Variants in HDAC8 observed in about 807,000 individuals in gnomAD.
HDAC8 encodes histone deacetylase 8.
In HDAC8, 1 loss-of-function variant was observed where a neutral mutation model predicts 32.2. That is an observed-to-expected ratio of 0.03 (90% CI 0.01 to 0.15). The LOEUF (loss-of-function observed/expected upper bound fraction) is 0.15, where lower values mean the gene tolerates loss of function less well. HDAC8 is among the 10% of genes least tolerant of loss of function. The pLI is 1.00. For synonymous variants in HDAC8, 108 were observed against 113.9 expected (o/e 0.95, Z 0.33); for missense variants, 117 against 300.0 (o/e 0.39, Z 4.51).
At chrX:72,373,458 G>A (rs2044949705) in intron 9 of HDAC8, among the ~76,000 whole-genome samples, 1 of 112,156 alleles carries the variant, frequency 8.9e-6, no homozygotes, top group Non-Finnish European at 1.9e-5. Flanking sequence ...TCATACAAAT[G>A]GAATAATAGA....
chrX:72,344,271 TA>T (rs1426255146), intron 10 of HDAC8, among the ~76,000 whole-genome samples: 4 of 111,337 alleles, frequency 3.6e-5, no homozygotes, highest in African/African-American at 9.8e-5. Context: ...AGAAACAGCA[TA>T]AAAAAATAAA....
intron 9 of HDAC8, among the ~76,000 whole-genome samples, chrX:72,409,709 A>G (rs1555969685): frequency 8.9e-6 from 1 of 112,322 alleles, no homozygotes; most frequent in African/African-American, 3.2e-5. Context: ...GTCTTTCTCA[A>G]TTCGCTCAAT....
intron 10 of HDAC8, among the ~76,000 whole-genome samples, chrX:72,341,094 G>T (rs781845315): frequency 2.7e-5 from 3 of 111,661 alleles, no homozygotes; most frequent in African/African-American, 6.5e-5. Context: ...TGATCATTCA[G>T]CATGTGAGCC....
intron 9 of HDAC8, among the ~76,000 whole-genome samples, chrX:72,458,365 C>T (rs1301174845): frequency 2.7e-5 from 3 of 112,424 alleles, no homozygotes; most frequent in Non-Finnish European, 5.6e-5. Context: ...GAGCGCTATA[C>T]TTGAAGTCCT....
At chrX:72,431,664 T>C (rs1041297564) in intron 9 of HDAC8, among the ~76,000 whole-genome samples, 2 of 111,542 alleles carry the variant, frequency 1.8e-5, no homozygotes, top group Non-Finnish European at 3.8e-5. Flanking sequence ...CTCCACTTTG[T>C]TGAAGTTCCT....
chrX:72,346,104 G>A (rs781825623), intron 10 of HDAC8, among the ~76,000 whole-genome samples: 1 of 112,141 alleles, frequency 8.9e-6, no homozygotes, highest in Admixed American at 9.4e-5. Context: ...ACAAGAAAGA[G>A]AGGAACTTGC....
chrX:72,442,715 G>T (rs1430333946), intron 9 of HDAC8, among the ~76,000 whole-genome samples: 1 of 111,926 alleles, frequency 8.9e-6, no homozygotes, highest in Non-Finnish European at 1.9e-5. Flanking sequence ...TGGACTCAAT[G>T]CTCCAATTAA....
intron 7 of HDAC8, among the ~76,000 whole-genome samples, chrX:72,481,738 G>A (rs1315306451): frequency 2.8e-5 from 3 of 108,322 alleles, no homozygotes; most frequent in Non-Finnish European, 5.7e-5. Flanking sequence ...TAAGTAGCTG[G>A]GATTATAGGT....
intron 9 of HDAC8, among the ~76,000 whole-genome samples, chrX:72,447,436 C>A (rs1418191179): frequency 8.9e-6 from 1 of 111,836 alleles, no homozygotes; most frequent in Admixed American, 9.5e-5. Context: ...TGGAACATAT[C>A]TCAAAATAAT....
chrX:72,490,506 G>C (rs1217141284), intron 6 of HDAC8, among the ~76,000 whole-genome samples: 46 of 104,173 alleles, frequency 4.4e-4, no homozygotes, highest in African/African-American at 1.6e-3. Context: ...CGCGAGAACA[G>C]AAAACCAAAC....
chrX:72,370,353 A>G (rs2044834267), intron 9 of HDAC8, among the ~76,000 whole-genome samples: 1 of 112,010 alleles, frequency 8.9e-6, no homozygotes, highest in South Asian at 3.8e-4. Context: ...AGGGTTCTCT[A>G]GAGAAACAGA....
intron 9 of HDAC8, among the ~76,000 whole-genome samples, chrX:72,376,105 C>T (rs1193437720): frequency 9.1e-6 from 1 of 109,794 alleles, no homozygotes; most frequent in African/African-American, 3.3e-5. Context: ...GACGAGGTCT[C>T]ACCATGTTGC....
chrX:72,505,038 C>T (rs1216606282), intron 4 of HDAC8, among the ~76,000 whole-genome samples: 3 of 109,429 alleles, frequency 2.7e-5, no homozygotes, highest in Non-Finnish European at 5.7e-5. Flanking sequence ...AGTCCTTTGC[C>T]CATTTTTAAA....
intron 9 of HDAC8, among the ~76,000 whole-genome samples, chrX:72,354,542 A>G (rs2044274672): frequency 1.8e-5 from 2 of 112,704 alleles, no homozygotes; most frequent in Admixed American, 9.4e-5. Context: ...GAATCAATTC[A>G]TAGCATTAAC....
chrX:72,427,832 T>C (rs1159834776), intron 9 of HDAC8, among the ~76,000 whole-genome samples: 10 of 111,616 alleles, frequency 9.0e-5, no homozygotes, highest in African/African-American at 2.9e-4. Context: ...CAAAAAAATG[T>C]AGGAAAAAAG....
In HDAC8 at chrX:72,377,834, T is replaced by A. The variant is rs1467732196; in HGVS notation, c.1006-25996A>T. ...ATAATTACTGATAAGGCATAGTCTA[T>A]GTATGCCACAATGCTACTTGTTCTC... On this transcript the variant is annotated intron_variant, in intron 9 of 10. Transcript: ENST00000373573. Among the ~76,000 whole-genome samples the A allele has an allele frequency of 2.7e-5, 3 of 111,727 alleles. No homozygotes were observed. In the Admixed American group the frequency reaches 2.9e-4, roughly 11 times the overall value.
At chrX:72,350,768 C>T (rs1300975283) in intron 10 of HDAC8, among the ~76,000 whole-genome samples, 2 of 112,310 alleles carry the variant, frequency 1.8e-5, no homozygotes, top group African/African-American at 6.5e-5. Flanking sequence ...AGGACAGTGA[C>T]CCCAAACAGC....
At chrX:72,516,136 G>A (rs1309467966) in intron 4 of HDAC8, among the ~76,000 whole-genome samples, 3 of 112,170 alleles carry the variant, frequency 2.7e-5, no homozygotes, top group African/African-American at 6.5e-5. Context: ...CTATCTTTTA[G>A]TCTATCATTA....
At chrX:72,539,756 G>A (rs1556041436) in intron 4 of HDAC8, among the ~76,000 whole-genome samples, 1 of 111,361 alleles carries the variant, frequency 9.0e-6, no homozygotes, top group Non-Finnish European at 1.9e-5. Flanking sequence ...CAATAACCCA[G>A]GTCAGAAAGC....
Sources: gnomAD v4.1 joint callset for allele counts (sites outside exome capture counted in the v4.1 genomes callset) on GRCh38, gnomAD v4.1.1 for gene constraint, MANE v1.5 for transcripts, NCBI Gene and HGNC (gene_info 2026-07-23, HGNC 2026-07-21) for gene names.